Variants in RCOR1 observed in about 807,000 individuals in gnomAD.
RCOR1 encodes REST corepressor.
Under a neutral mutation model 64.0 loss-of-function variants are expected in RCOR1, and 12 were observed. The ratio of observed to expected loss-of-function variants is 0.19; its 90% confidence interval spans 0.12 to 0.30. The LOEUF is 0.30. Ranked by LOEUF, RCOR1 falls within the 10% of genes least tolerant of loss-of-function variation. The probability of loss-of-function intolerance (pLI) is 1.00; values close to 1 mark genes in which losing one functional copy is unlikely to be tolerated. For synonymous variants in RCOR1, 279 were observed against 227.2 expected (o/e 1.23, Z -2.05); for missense variants, 502 against 621.2 (o/e 0.81, Z 2.04).
intron 3 of RCOR1, among the ~76,000 whole-genome samples, chr14:102,692,440 A>AACACACACACACACACACAC (rs10622844): frequency 1.4e-5 from 2 of 146,244 alleles, no homozygotes; most frequent in African/African-American, 5.0e-5. Context: ...GGAAAAAGTT[A>AACACACACACACACACACAC]ACACACACAC....
intron 2 of RCOR1, among the ~76,000 whole-genome samples, chr14:102,671,303 A>T (rs779913014): frequency 2.0e-5 from 3 of 152,044 alleles, no homozygotes; most frequent in Non-Finnish European, 2.9e-5. Flanking sequence ...GGTATAGGGG[A>T]GGGGGTTATG....
chr14:102,655,374 A>G, intron 2 of RCOR1: 3 of 985,134 alleles, frequency 3.0e-6, no homozygotes, highest in Non-Finnish European at 3.6e-6. Context: ...ACTCATGGGC[A>G]TTTTTCCCTT....
intron 3 of RCOR1, among the ~76,000 whole-genome samples, chr14:102,698,429 G>A (rs144494564): frequency 2.6e-4 from 40 of 152,322 alleles, no homozygotes; most frequent in African/African-American, 8.7e-4. Flanking sequence ...CTCAAAGATC[G>A]TGCTACTGGT....
At chr14:102,693,370 G>A (rs1895577489) in intron 3 of RCOR1, among the ~76,000 whole-genome samples, 1 of 151,348 alleles carries the variant, frequency 6.6e-6, no homozygotes, top group Non-Finnish European at 1.5e-5. Context: ...TGAAAGATTT[G>A]TTAAATCAGT....
At chr14:102,701,401 C>A in intron 4 of RCOR1, 71 bp downstream of exon 4, 1 of 1,241,364 alleles carries the variant, frequency 8.1e-7, no homozygotes, top group South Asian at 1.6e-5. Flanking sequence ...ATATTTTTTT[C>A]TTCTTTGTAT....
chr14:102,707,748 C>T (rs1895883851), intron 5 of RCOR1, among the ~76,000 whole-genome samples: 1 of 151,688 alleles, frequency 6.6e-6, no homozygotes, highest in South Asian at 2.1e-4. Context: ...CCCCACCCAC[C>T]CCAGTCCCTC....
intron 7 of RCOR1, among the ~76,000 whole-genome samples, chr14:102,711,577 C>T (rs897424377): frequency 1.3e-5 from 2 of 152,038 alleles, no homozygotes; most frequent in Non-Finnish European, 2.9e-5. Context: ...TCAGGGGGCT[C>T]GTGAACCTCT....
chr14:102,596,221 C>T (rs1386993948), intron 2 of RCOR1, among the ~76,000 whole-genome samples: 3 of 151,850 alleles, frequency 2.0e-5, no homozygotes, highest in African/African-American at 7.3e-5. Flanking sequence ...CCTGCCTCAT[C>T]CTCCTAAGTA....
At chr14:102,683,675 C>T (rs992919251) in intron 3 of RCOR1, among the ~76,000 whole-genome samples, 11 of 152,238 alleles carry the variant, frequency 7.2e-5, no homozygotes, top group African/African-American at 2.2e-4. Flanking sequence ...ATGTTCCGTG[C>T]GCGAATGTGG....
Position 102,592,834 on chromosome 14 carries a change from C to T in RCOR1, c.-53C>T. 8.5e-7 allele frequency: 1 copy of T among 1,176,312 alleles called. No homozygotes were observed. Among genetic ancestry groups the T allele is most frequent in the Non-Finnish European group, 1.0e-6 (1 of 953,716 alleles). The allele number at this position is 1,176,312 out of a possible 1,614,324, so 72.9% of individuals were successfully genotyped here. A position where few individuals can be genotyped will look rare whatever the true frequency, so the allele number is the denominator to read the frequency against. On this transcript the variant is annotated 5_prime_UTR_variant, in exon 1 of 12. Coordinates refer to ENST00000262241, the MANE Select transcript of RCOR1 (RefSeq NM_015156.4). ...GCCCCCTCCCCCGTCTCGGCGCCCC[C>T]TCCTCAGGAGCCGCGGGTCCCCGCC...
intron 3 of RCOR1, among the ~76,000 whole-genome samples, chr14:102,690,292 T>C (rs932680621): frequency 7.9e-5 from 12 of 152,212 alleles, no homozygotes; most frequent in African/African-American, 1.2e-4. Flanking sequence ...ATATATCATA[T>C]ATAATTCTAA....
intron 3 of RCOR1, among the ~76,000 whole-genome samples, chr14:102,686,573 A>G (rs1213472240): frequency 6.6e-6 from 1 of 151,984 alleles, no homozygotes; most frequent in African/African-American, 2.4e-5. Context: ...GGTTTAAGAA[A>G]CCTCTGTGCT....
rs754559920 is a variant in RCOR1, at chr14:102,721,302, A to G, written c.1132-18A>G. 2 of 1,607,550 alleles carry G rather than the reference A, an allele frequency of 1.2e-6. No homozygotes were observed. Among genetic ancestry groups the G allele is most frequent in the South Asian group, 2.2e-5 (2 of 90,750 alleles). ...TCTCTAAATGTAATGTGCTAAAATG[A>G]CTCATTTGGATATCCAGGTCATTCA... is the stretch of plus-strand genomic sequence containing the variant. On this transcript the variant is annotated intron_variant, in intron 9 of 11. Transcript: ENST00000262241.
intron 3 of RCOR1, among the ~76,000 whole-genome samples, chr14:102,683,352 G>A (rs777581601): frequency 3.3e-5 from 5 of 152,280 alleles, no homozygotes; most frequent in South Asian, 2.1e-4. Flanking sequence ...GATTCTTACT[G>A]AGGCCTTTGA....
chr14:102,686,202 G>A (rs562845125), intron 3 of RCOR1, among the ~76,000 whole-genome samples: 4 of 152,262 alleles, frequency 2.6e-5, no homozygotes, highest in African/African-American at 7.2e-5. Context: ...CTGGGCTCAA[G>A]CTGTCATTTT....
At chr14:102,629,229 C>G (rs1163359240) in intron 2 of RCOR1, among the ~76,000 whole-genome samples, 1 of 152,172 alleles carries the variant, frequency 6.6e-6, no homozygotes, top group African/African-American at 2.4e-5. Context: ...ATGTGACATT[C>G]TCATGAGGGT....
Position 102,713,542 on chromosome 14 carries a change from A to G in RCOR1, c.859-881A>G, listed in dbSNP as rs539620143. Reference sequence around the variant, plus strand: ...CGTGATCCGCCCGCCTCAGCCTCCCAAAGTGCTGGGATTACAGGCATGAGC... The same window carrying G: ...CGTGATCCGCCCGCCTCAGCCTCCCGAAGTGCTGGGATTACAGGCATGAGC... On this transcript the variant is annotated intron_variant, in intron 7 of 11. Coordinates refer to ENST00000262241, the MANE Select transcript of RCOR1 (RefSeq NM_015156.4). 1.3e-4 allele frequency among the ~76,000 whole-genome samples: 19 copies of G among 151,886 alleles called. No homozygotes were observed. In the South Asian group the frequency reaches 3.7e-3, roughly 30 times the overall value.
At chr14:102,635,606 G>C (rs1351307129) in intron 2 of RCOR1, among the ~76,000 whole-genome samples, 1 of 152,118 alleles carries the variant, frequency 6.6e-6, no homozygotes, top group Non-Finnish European at 1.5e-5. Flanking sequence ...ATGCAATAAT[G>C]ATTGCATAGC....
intron 7 of RCOR1, among the ~76,000 whole-genome samples, chr14:102,713,377 G>C (rs899877355): frequency 1.3e-5 from 2 of 150,432 alleles, no homozygotes; most frequent in Admixed American, 6.6e-5. Flanking sequence ...TCCTGCCTCA[G>C]CCTCCCGCCA....
Sources: gnomAD v4.1 joint callset for allele counts (sites outside exome capture counted in the v4.1 genomes callset) on GRCh38, gnomAD v4.1.1 for gene constraint, MANE v1.5 for transcripts, NCBI Gene and HGNC (gene_info 2026-07-23, HGNC 2026-07-21) for gene names.